THSD4: variants seen among roughly 807,000 people sequenced by gnomAD.
THSD4 encodes the protein thrombospondin type 1 domain containing 4.
Under a neutral mutation model 119.0 loss-of-function variants are expected in THSD4, and 69 were observed. That is an observed-to-expected ratio of 0.58 (90% CI 0.48 to 0.71). The LOEUF is 0.71. Among genes scored for constraint, THSD4 ranks in the 30% least tolerant of loss-of-function variants. The pLI is 0.00. For synonymous variants in THSD4, 524 were observed against 540.4 expected (o/e 0.97, Z 0.42); for missense variants, 1,393 against 1,391.1 (o/e 1.00, Z -0.02).
intron 11 of THSD4, 45 bp from the exon 12 acceptor site, chr15:71,745,061 T>C: frequency 1.3e-6 from 2 of 1,576,588 alleles, no homozygotes; most frequent in East Asian, 2.3e-5. Flanking sequence ...AGCCCAGCTT[T>C]CCAGTGTGTG....
intron 8 of THSD4, among the ~76,000 whole-genome samples, chr15:71,666,483 C>G (rs991463875): frequency 1.8e-4 from 27 of 152,234 alleles, no homozygotes; most frequent in African/African-American, 5.5e-4. Flanking sequence ...CCCTAGGCTT[C>G]TCAGTTAATA....
intron 7 of THSD4, among the ~76,000 whole-genome samples, chr15:71,605,394 C>G (rs946717640): frequency 1.2e-4 from 18 of 152,288 alleles, no homozygotes; most frequent in Admixed American, 1.1e-3. Flanking sequence ...GATGGGAGCC[C>G]CTGAGGGGTT....
intron 15 of THSD4, among the ~76,000 whole-genome samples, chr15:71,762,026 T>C (rs2053634693): frequency 6.6e-6 from 1 of 152,206 alleles, no homozygotes. Context: ...GCATTTGGAC[T>C]ATAGTTTCCT....
intron 6 of THSD4, among the ~76,000 whole-genome samples, chr15:71,377,080 C>T (rs573198247): frequency 1.3e-5 from 2 of 152,186 alleles, no homozygotes; most frequent in East Asian, 1.9e-4. Context: ...AAGAAATGGA[C>T]GTGAGAAAGG....
At chr15:71,775,290 T>G (rs4777455) in intron 17 of THSD4, among the ~76,000 whole-genome samples, 4,340 of 152,316 alleles carry the variant, frequency 0.028, 82 homozygotes, top group Admixed American at 0.055. Flanking sequence ...TCTAAATATA[T>G]TTATGAGTAA....
intron 6 of THSD4, among the ~76,000 whole-genome samples, chr15:71,391,602 C>T (rs973401047): frequency 3.3e-5 from 5 of 152,286 alleles, no homozygotes; most frequent in East Asian, 1.9e-4. Flanking sequence ...ATTTATGTTC[C>T]GTGTCAGAGG....
chr15:71,540,135 CTTTTTT>C (rs35668266), intron 7 of THSD4, among the ~76,000 whole-genome samples: 1 of 95,154 alleles, frequency 1.1e-5, no homozygotes, highest in African/African-American at 3.6e-5. Context: ...ATTTTATTTA[CTTTTTT>C]TTTTTTTTTT....
chr15:71,356,079 A>G (rs747925729), intron 6 of THSD4, among the ~76,000 whole-genome samples: 33 of 151,824 alleles, frequency 2.2e-4, no homozygotes, highest in Non-Finnish European at 4.4e-4. Flanking sequence ...TGTTGCCCAA[A>G]CTGGTCTCGA....
intron 4 of THSD4, among the ~76,000 whole-genome samples, chr15:71,220,090 C>CA (rs35447924): frequency 8.0e-5 from 12 of 150,368 alleles, no homozygotes; most frequent in African/African-American, 1.2e-4. Flanking sequence ...CACGTGAGTT[C>CA]AAAAAAAAAA....
intron 7 of THSD4, among the ~76,000 whole-genome samples, chr15:71,480,994 C>T (rs11636544): frequency 0.92 from 140,767 of 152,230 alleles, 65,912 homozygotes; most frequent in East Asian, 1. Flanking sequence ...AAATAGTATA[C>T]AAAGTTTTAA....
Position 71,607,633 on chromosome 15 carries a change from A to C in THSD4, c.1153-52897A>C, listed in dbSNP as rs576746995. The stretch of plus-strand genomic sequence containing the variant: ...GAGCCTTACCCAACCCCCAGTCACA[A>C]CGGAGGTGTGGCCTTAGAGCCGTAC... On this transcript the variant is annotated intron_variant, in intron 7 of 17. Coordinates refer to ENST00000261862, the MANE Select transcript of THSD4 (RefSeq NM_024817.3). Among the ~76,000 whole-genome samples the C allele has an allele frequency of 4.6e-5, 7 of 152,340 alleles. No homozygotes were observed. The East Asian group carries it at 1.4e-3, about 29-fold the overall frequency.
Position 71,320,725 on chromosome 15 carries a change from C to G in THSD4, c.1015+64010C>G, listed in dbSNP as rs1035448607. On this transcript the variant is annotated intron_variant, in intron 6 of 17. Transcript: ENST00000261862. Reference sequence around the variant, plus strand: ...TGCTTGTCCCTTGATTTTAGTGGAACCAAGAAACCGCATCAAATAACACTG... The same window carrying G: ...TGCTTGTCCCTTGATTTTAGTGGAAGCAAGAAACCGCATCAAATAACACTG... Among the ~76,000 whole-genome samples, 3 of 152,286 alleles carry G rather than the reference C, an allele frequency of 2.0e-5. No homozygotes were observed. The South Asian group carries it at 6.2e-4, about 32-fold the overall frequency.
At chr15:71,389,623 TTTG>T (rs1024742167) in intron 6 of THSD4, among the ~76,000 whole-genome samples, 4 of 152,072 alleles carry the variant, frequency 2.6e-5, no homozygotes, top group African/African-American at 9.7e-5. Flanking sequence ...TCTTCAAGAC[TTTG>T]TTTTCAGTTC....
At chr15:71,336,355 T>G (rs2045489750) in intron 6 of THSD4, among the ~76,000 whole-genome samples, 1 of 152,266 alleles carries the variant, frequency 6.6e-6, no homozygotes, top group Admixed American at 6.5e-5. Context: ...AGTTGTCATT[T>G]AAACAGAAGA....
chr15:71,774,691 C>T (rs2053882831), intron 17 of THSD4, among the ~76,000 whole-genome samples: 1 of 151,796 alleles, frequency 6.6e-6, no homozygotes, highest in Non-Finnish European at 1.5e-5. Flanking sequence ...GCAGGAGGAT[C>T]ACTTGAGCCC....
intron 1 of THSD4, among the ~76,000 whole-genome samples, chr15:71,135,611 C>T (rs1043951588): frequency 2.0e-5 from 3 of 152,144 alleles, no homozygotes; most frequent in African/African-American, 7.2e-5. Context: ...GGATAATAGC[C>T]ATTTATTCAG....
chr15:71,754,518 C>T (rs2053504771), intron 14 of THSD4, among the ~76,000 whole-genome samples: 1 of 151,962 alleles, frequency 6.6e-6, no homozygotes, highest in Non-Finnish European at 1.5e-5. Flanking sequence ...TAGAATATTC[C>T]AATTATTGTA....
intron 7 of THSD4, among the ~76,000 whole-genome samples, chr15:71,612,255 G>A (rs979239001): frequency 3.3e-5 from 5 of 152,164 alleles, no homozygotes; most frequent in Non-Finnish European, 7.3e-5. Context: ...AAAGCCTTTT[G>A]TAAAAGATGT....
At chr15:71,717,961 T>C (rs781175029) in intron 8 of THSD4, among the ~76,000 whole-genome samples, 23 of 152,054 alleles carry the variant, frequency 1.5e-4, no homozygotes, top group South Asian at 2.1e-4. Flanking sequence ...CCAGCCTGGG[T>C]AACAAAGCAA....
Sources: gnomAD v4.1 joint callset for allele counts (sites outside exome capture counted in the v4.1 genomes callset) on GRCh38, gnomAD v4.1.1 for gene constraint, MANE v1.5 for transcripts, NCBI Gene and HGNC (gene_info 2026-07-23, HGNC 2026-07-21) for gene names.